Variants in MAPK6 observed in about 807,000 individuals in gnomAD.
MAPK6 encodes the protein ERK-3.
In MAPK6, 19 loss-of-function variants were observed where a neutral mutation model predicts 59.3. That is an observed-to-expected ratio of 0.32 (90% CI 0.22 to 0.47). The LOEUF (loss-of-function observed/expected upper bound fraction) is 0.47, where lower values mean the gene tolerates loss of function less well. MAPK6 is among the 20% of genes least tolerant of loss of function. The pLI is 1.00. For synonymous variants in MAPK6, 316 were observed against 290.3 expected (o/e 1.09, Z -0.90); for missense variants, 724 against 847.9 (o/e 0.85, Z 1.81).
chr15:52,028,728 C>T (rs556028366), intron 1 of MAPK6, among the ~76,000 whole-genome samples: 7 of 152,154 alleles, frequency 4.6e-5, no homozygotes, highest in Admixed American at 6.5e-5. Context: ...TAAGCCCTCT[C>T]GCCATTCCAC....
chr15:52,012,683 A>T (rs547390544), intron 3 of MAPK6, among the ~76,000 whole-genome samples: 5 of 152,030 alleles, frequency 3.3e-5, no homozygotes, highest in Non-Finnish European at 7.4e-5. Context: ...ACCTTAACTC[A>T]AAACATTGAT....
At chr15:51,981,174 T>C (rs557790508) in intron 1 of MAPK6, among the ~76,000 whole-genome samples, 29 of 151,800 alleles carry the variant, frequency 1.9e-4, no homozygotes, top group African/African-American at 7.0e-4. Flanking sequence ...ATGCTTCCTA[T>C]GAAAATTCAG....
At chr15:52,032,088 A>G (rs147502832) in intron 1 of MAPK6, among the ~76,000 whole-genome samples, 2,443 of 151,038 alleles carry the variant, frequency 0.016, 28 homozygotes, top group African/African-American at 0.033. Flanking sequence ...GTTAGCCAGG[A>G]TGGTCTCGAT....
intron 3 of MAPK6, among the ~76,000 whole-genome samples, chr15:52,007,356 A>G (rs1335752981): frequency 5.3e-5 from 8 of 152,180 alleles, no homozygotes; most frequent in Non-Finnish European, 1.2e-4. Context: ...AAGACTGGCT[A>G]CATAATTTCT....
intron 1 of MAPK6, among the ~76,000 whole-genome samples, chr15:52,043,328 T>TG (rs969858927): frequency 3.9e-5 from 6 of 152,124 alleles, no homozygotes; most frequent in African/African-American, 1.4e-4. Context: ...GACGGAATCT[T>TG]GCTCTTTTGC....
chr15:52,005,474 C>T lies in MAPK6; in HGVS notation c.-632+1072C>T, dbSNP rs1012570552. ...CTTGGGAGGTGGAGGTTGCAGTGAG[C>T]CAAGATCGCACCACTGCACTCCAGC... On this transcript the variant is annotated intron_variant, in intron 3 of 7. Transcript: ENST00000691380. 6.6e-5 allele frequency among the ~76,000 whole-genome samples: 10 copies of T among 151,892 alleles called. 1 individual carries two copies. The highest frequency in any genetic ancestry group is 5.2e-4 in the Admixed American group (8 of 15,250).
chr15:52,049,083 C>T (rs1366660845), intron 2 of MAPK6, among the ~76,000 whole-genome samples: 1 of 152,156 alleles, frequency 6.6e-6, no homozygotes, highest in East Asian at 1.9e-4. Context: ...ATCACAATCT[C>T]TCAGGGTAGT....
rs1204072267 is a variant in MAPK6 at position 51,990,954 on chromosome 15, A to AAAAC, written c.-770+7659_-770+7662dup. The stretch of plus-strand genomic sequence containing the variant: ...GGGCGACAGAGCAAGACTCTGTCTC[A>AAAAC]AAACAAACAAACAAACAAACAAAAT... On this transcript the variant is annotated intron_variant, in intron 2 of 7. Transcript: ENST00000691380. Among the ~76,000 whole-genome samples, 97 of 151,910 alleles carry AAAAC rather than the reference A, an allele frequency of 6.4e-4. No individual in the cohort carries two copies. In the Middle Eastern group the frequency reaches 0.01, roughly 16 times the overall value.
intron 3 of MAPK6, among the ~76,000 whole-genome samples, chr15:52,055,242 G>A (rs190448814): frequency 1.3e-3 from 193 of 152,130 alleles, no homozygotes; most frequent in African/African-American, 4.3e-3. Context: ...ACCCTGTCTC[G>A]ACAAAAAACA....
At chr15:52,044,449 G>A (rs2031536599) in intron 1 of MAPK6, among the ~76,000 whole-genome samples, 1 of 152,118 alleles carries the variant, frequency 6.6e-6, no homozygotes, top group African/African-American at 2.4e-5. Flanking sequence ...CTCCTGCCTA[G>A]CATATAGTAG....
intron 3 of MAPK6, among the ~76,000 whole-genome samples, chr15:52,051,057 A>G (rs527524474): frequency 3.3e-5 from 5 of 151,514 alleles, no homozygotes; most frequent in Admixed American, 2.0e-4. Flanking sequence ...TTCCCCCTCT[A>G]TACCCATTTT....
intron 2 of MAPK6, among the ~76,000 whole-genome samples, chr15:51,990,847 G>C (rs1261600314): frequency 6.6e-6 from 1 of 152,152 alleles, no homozygotes. Context: ...CCGGCTACTC[G>C]GGAGGCTGAG....
chr15:52,057,496 A>T (rs2032027641), intron 3 of MAPK6, among the ~76,000 whole-genome samples: 1 of 151,630 alleles, frequency 6.6e-6, no homozygotes, highest in Non-Finnish European at 1.5e-5. Context: ...CTTCCATATG[A>T]ATGTTTGGTG....
intron 2 of MAPK6, among the ~76,000 whole-genome samples, chr15:51,986,021 T>C (rs1417853280): frequency 1.3e-5 from 2 of 152,090 alleles, no homozygotes; most frequent in African/African-American, 4.8e-5. Flanking sequence ...GTTCTCACAC[T>C]ATTATAAAGA....
intron 1 of MAPK6, among the ~76,000 whole-genome samples, chr15:51,980,137 A>G (rs1272810687): frequency 6.6e-6 from 1 of 151,590 alleles, no homozygotes; most frequent in South Asian, 2.1e-4. Context: ...TCTACTAAAA[A>G]TACAAAAATT....
At chr15:52,043,568 A>G (rs540451541) in intron 1 of MAPK6, among the ~76,000 whole-genome samples, 1 of 151,958 alleles carries the variant, frequency 6.6e-6, no homozygotes, top group Non-Finnish European at 1.5e-5. Flanking sequence ...AAGTGCTGGG[A>G]TTACAGGCGT....
At chr15:52,026,826 C>T (rs373095870) in intron 1 of MAPK6, among the ~76,000 whole-genome samples, 2 of 151,122 alleles carry the variant, frequency 1.3e-5, no homozygotes, top group Non-Finnish European at 3.0e-5. Flanking sequence ...CCGAGGCAGG[C>T]GGATCACAAA....
intron 1 of MAPK6, among the ~76,000 whole-genome samples, chr15:52,037,212 T>C (rs1405899752): frequency 6.6e-6 from 1 of 152,162 alleles, no homozygotes; most frequent in Non-Finnish European, 1.5e-5. Context: ...GGGAGAATTG[T>C]TTGAGGCAAC....
At chr15:52,059,914 G>T (rs911643482) in intron 4 of MAPK6, among the ~76,000 whole-genome samples, 1 of 152,154 alleles carries the variant, frequency 6.6e-6, no homozygotes, top group Non-Finnish European at 1.5e-5. Context: ...TGGCAACTTG[G>T]TAAAAAGAAT....
Sources: allele counts gnomAD v4.1 joint callset (sites outside exome capture counted in the v4.1 genomes callset), GRCh38; gene constraint gnomAD v4.1.1; transcripts MANE v1.5; gene names NCBI Gene and HGNC (gene_info 2026-07-23, HGNC 2026-07-21).